GNG4: variants seen among roughly 807,000 people sequenced by gnomAD.
The protein encoded by GNG4 is G protein subunit gamma 4.
Under a neutral mutation model 5.8 loss-of-function variants are expected in GNG4, and 4 were observed. That is an observed-to-expected ratio of 0.69 (90% confidence interval 0.34 to 1.57). The LOEUF (loss-of-function observed/expected upper bound fraction) is 1.57, where lower values mean the gene tolerates loss of function less well. GNG4 is among the 40% of genes most tolerant of loss of function. The pLI, the probability that GNG4 is intolerant of heterozygous loss-of-function variation, is 0.06. For synonymous variants in GNG4, 29 were observed against 32.9 expected, an observed-to-expected ratio of 0.88 and a Z score of 0.41; for missense variants, 96 against 95.1, an observed-to-expected ratio of 1.01 and a Z score of -0.04.
At chr1:235,611,032 G>C (rs1023801712) in intron 1 of GNG4, among the ~76,000 whole-genome samples, 2 of 152,194 alleles carry the variant, frequency 1.3e-5, no homozygotes, top group African/African-American at 4.8e-5. Flanking sequence ...AGTTTGCAGT[G>C]AGCTGAAATA....
intron 3 of GNG4, chr1:235,566,588 C>G (rs1397978489): frequency 6.5e-6 from 1 of 153,928 alleles, no homozygotes. Context: ...AACCGTCCCC[C>G]ATGACCTGTG....
intron 1 of GNG4, among the ~76,000 whole-genome samples, chr1:235,640,496 A>C (rs1657289678): frequency 6.6e-6 from 1 of 152,240 alleles, no homozygotes; most frequent in Non-Finnish European, 1.5e-5. Context: ...CTTTATACAC[A>C]GACTGTGCTA....
At chr1:235,621,115 C>A (rs558878205) in intron 1 of GNG4, among the ~76,000 whole-genome samples, 1 of 150,768 alleles carries the variant, frequency 6.6e-6, no homozygotes. Flanking sequence ...CTCATTGGTC[C>A]GTCACCTTGG....
At chr1:235,575,570 T>G (rs1260169968) in intron 3 of GNG4, among the ~76,000 whole-genome samples, 1 of 152,168 alleles carries the variant, frequency 6.6e-6, no homozygotes, top group African/African-American at 2.4e-5. Flanking sequence ...GGGCAGCCCT[T>G]GTAGGAATTG....
intron 3 of GNG4, among the ~76,000 whole-genome samples, chr1:235,572,413 T>C (rs867847715): frequency 1.4e-4 from 21 of 152,208 alleles, no homozygotes; most frequent in Middle Eastern, 3.4e-3. Flanking sequence ...TTGGCCAGGC[T>C]GGTCTCAAAC....
At chr1:235,560,191 G>C (rs952899047) in intron 3 of GNG4, among the ~76,000 whole-genome samples, 2 of 152,172 alleles carry the variant, frequency 1.3e-5, no homozygotes, top group Non-Finnish European at 2.9e-5. Context: ...TGGCTAAATG[G>C]ATGCCATCAT....
chr1:235,607,658 C>T (rs1380551231), intron 1 of GNG4, among the ~76,000 whole-genome samples: 3 of 152,368 alleles, frequency 2.0e-5, no homozygotes, highest in Admixed American at 1.3e-4. Flanking sequence ...CATCCATCCA[C>T]GCCGCCCAGC....
intron 1 of GNG4, among the ~76,000 whole-genome samples, chr1:235,635,909 A>G (rs888667341): frequency 6.6e-6 from 1 of 152,174 alleles, no homozygotes; most frequent in Non-Finnish European, 1.5e-5. Flanking sequence ...GTATTCAGAG[A>G]CCCCTTGCAG....
chr1:235,624,593 C>G (rs1688773569), intron 1 of GNG4, among the ~76,000 whole-genome samples: 1 of 152,138 alleles, frequency 6.6e-6, no homozygotes. Context: ...TTTCTATAAC[C>G]ATTCCTCGGG....
At chr1:235,597,628 G>GTTT (rs772061855) in intron 1 of GNG4, among the ~76,000 whole-genome samples, 1 of 72,450 alleles carries the variant, frequency 1.4e-5, no homozygotes, top group African/African-American at 5.9e-5. Context: ...GTGTGTGTGT[G>GTTT]TATTTTTTTT....
At chr1:235,590,855 C>T (rs1687941969) in intron 2 of GNG4, among the ~76,000 whole-genome samples, 1 of 152,164 alleles carries the variant, frequency 6.6e-6, no homozygotes, top group African/African-American at 2.4e-5. Context: ...TCCAAATTAC[C>T]TTGCATGGGA....
At chr1:235,553,065 CAT>C (rs59179625) in intron 3 of GNG4, among the ~76,000 whole-genome samples, 100,216 of 151,802 alleles carry the variant, frequency 0.66, 33,973 homozygotes, top group East Asian at 0.85. Context: ...AGCCAGCACA[CAT>C]GTTTTAACTT....
intron 2 of GNG4, among the ~76,000 whole-genome samples, 177 bp from the exon 3 acceptor site, chr1:235,584,025 G>A (rs998147381): frequency 6.6e-6 from 1 of 152,150 alleles, no homozygotes; most frequent in Admixed American, 6.5e-5. Flanking sequence ...CGAGTAAGAG[G>A]AGCAAGACAT....
At chr1:235,646,590 C>G (rs1480780339) in intron 1 of GNG4, among the ~76,000 whole-genome samples, 1 of 152,182 alleles carries the variant, frequency 6.6e-6, no homozygotes, top group Non-Finnish European at 1.5e-5. Flanking sequence ...ACAAACCTCA[C>G]GGCCATGGAG....
At position 235,551,729 on chromosome 1, in the gene GNG4, G is replaced by A. The variant is rs923942; in HGVS notation, c.*380C>T. The stretch of plus-strand genomic sequence containing the variant: ...ATGCTCTAATTTGATACTGAATATT[G>A]CAAATAAGGGATATTTAGGCATAGT... On this transcript the variant is annotated 3_prime_UTR_variant, in exon 4 of 4. Transcript: ENST00000391854. 0.24 allele frequency: 37,604 copies of A among 158,500 alleles called. 5,702 individuals carry two copies. The highest frequency in any genetic ancestry group is 0.69 in the East Asian group (3,715 of 5,402). 9.8% of individuals were successfully genotyped at this position (158,500 alleles called of 1,614,324 possible). A position where few individuals can be genotyped will look rare whatever the true frequency, so the allele number is the denominator to read the frequency against.
At chr1:235,600,129 T>TTTTTTTTTTTTTTTTCA (rs1289825136) in intron 1 of GNG4, among the ~76,000 whole-genome samples, 1 of 113,016 alleles carries the variant, frequency 8.8e-6, no homozygotes, top group African/African-American at 3.4e-5. Flanking sequence ...TTTTTTTTTT[T>TTTTTTTTTTTTTTTTCA]AGACAGGCAG....
intron 2 of GNG4, among the ~76,000 whole-genome samples, chr1:235,590,682 T>TTG (rs1483565172): frequency 6.6e-6 from 1 of 152,148 alleles, no homozygotes; most frequent in Non-Finnish European, 1.5e-5. Context: ...GTGTGCGTGT[T>TTG]TGTGTTTTCT....
chr1:235,605,946 T>G (rs1688347005), intron 1 of GNG4, among the ~76,000 whole-genome samples: 1 of 108,852 alleles, frequency 9.2e-6, no homozygotes, highest in Non-Finnish European at 2.1e-5. Context: ...ATTTTTTTGA[T>G]TGAGAGTGTG....
chr1:235,649,926 C>G (rs898500138), upstream of GNG4: 3 of 150,214 alleles, frequency 2.0e-5, no homozygotes, highest in African/African-American at 7.3e-5. This position sits in a 1 kb window ranked among gnomAD's most constrained non-coding sequence, Gnocchi z 5.7. Flanking sequence ...GGCTTCTGCT[C>G]GGCCCCCTGT....
Sources: allele counts gnomAD v4.1 joint callset (sites outside exome capture counted in the v4.1 genomes callset), GRCh38; gene constraint gnomAD v4.1.1; non-coding constraint Gnocchi (gnomAD v3.1); transcripts MANE v1.5; gene names NCBI Gene and HGNC (gene_info 2026-07-23, HGNC 2026-07-21).